Variants in LINS1 observed in about 807,000 individuals in gnomAD.
LINS1 encodes the protein lines homolog 1, also known as protein Lines homolog 1.
LINS1 carries 27 observed loss-of-function variants against 41.6 expected under a neutral mutation model. The observed-to-expected ratio is 0.65, with a 90% CI of 0.48 to 0.89. The LOEUF (loss-of-function observed/expected upper bound fraction) is 0.89, where lower values mean the gene tolerates loss of function less well. LINS1 is among the 40% of genes least tolerant of loss of function. The pLI is 0.00. For missense variants in LINS1, 955 were observed against 884.1 expected (o/e 1.08, Z -1.02); for synonymous variants, 336 against 312.9 (o/e 1.07, Z -0.78).
chr15:100,589,331 A>G (rs1470857217), intron 1 of LINS1, among the ~76,000 whole-genome samples: 5 of 152,242 alleles, frequency 3.3e-5, no homozygotes, highest in Non-Finnish European at 1.5e-5. Context: ...AGAATTAAGT[A>G]CCAAGAAAAT....
At chr15:100,593,559 TGGGG>T (rs34763783) in intron 1 of LINS1, among the ~76,000 whole-genome samples, 10 of 113,398 alleles carry the variant, frequency 8.8e-5, no homozygotes, top group South Asian at 2.7e-4. Flanking sequence ...TACAACTTTA[TGGGG>T]GGGGGGGGTG....
intron 1 of LINS1, among the ~76,000 whole-genome samples, chr15:100,584,593 T>A (rs954480267): frequency 6.6e-6 from 1 of 151,908 alleles, no homozygotes; most frequent in African/African-American, 2.4e-5. Flanking sequence ...GTATTGGGGT[T>A]ATGAGAGGAA....
intron 3 of LINS1, among the ~76,000 whole-genome samples, chr15:100,579,190 A>T (rs556136790): frequency 5.6e-4 from 83 of 148,554 alleles, no homozygotes; most frequent in Non-Finnish European, 8.8e-4. Flanking sequence ...TATATATATA[A>T]AAAAATAAAA....
In LINS1 at chr15:100,573,749, G is replaced by A. The variant is rs143097819; in HGVS notation, c.1124C>T (p.Thr375Ile). The A allele has an allele frequency of 3.2e-4, 517 of 1,613,994 alleles. 2 individuals are homozygous for A. In the African/African-American group the frequency reaches 5.1e-3, roughly 16 times the overall value. Residue 375 changes from threonine to isoleucine, a missense_variant, in exon 5 of 7, where the codon ACT (threonine) becomes ATT (isoleucine). Transcript: ENST00000314742. ...TCTAAGGATCACATGATCTGGACTA[G>A]TGATAAGTTCACATTCAGGTTGAAC... ...DEVQPECELI[T>I]SPDHVILRAA...
Position 100,573,767 on chromosome 15 carries a change from G to T in LINS1, c.1106C>A (p.Pro369His). The T allele has an allele frequency of 6.2e-7, 1 of 1,613,676 alleles. No individual in the cohort carries two copies. Among genetic ancestry groups the T allele is most frequent in the South Asian group, 1.1e-5 (1 of 91,072 alleles). Residue 369 changes from proline to histidine, a missense_variant, in exon 5 of 7, where the codon CCT (proline) becomes CAT (histidine). Transcript: ENST00000314742. ...TGGACTAGTGATAAGTTCACATTCAGGTTGAACTTCATCACCTCCAAAAAA... is the reference window on the plus strand; with the variant it reads ...TGGACTAGTGATAAGTTCACATTCATGTTGAACTTCATCACCTCCAAAAAA... ...HSFFGGDEVQ[P>H]ECELITSPDH...
chr15:100,586,802 G>C (rs117611963), intron 1 of LINS1, among the ~76,000 whole-genome samples: 2,370 of 152,204 alleles, frequency 0.016, 37 homozygotes, highest in Non-Finnish European at 0.022. Flanking sequence ...CAGAGAATTG[G>C]AGACATTTGG....
At chr15:100,578,502 G>C (rs36176194) in intron 3 of LINS1, among the ~76,000 whole-genome samples, 34 of 151,282 alleles carry the variant, frequency 2.2e-4, no homozygotes, top group Middle Eastern at 6.8e-3. Context: ...TTAGAATGGC[G>C]ATCATTAAAA....
chr15:100,600,551 C>CTAAAAAAAA (rs777968890), intron 1 of LINS1, among the ~76,000 whole-genome samples: 1 of 79,674 alleles, frequency 1.3e-5, no homozygotes, highest in African/African-American at 6.7e-5. Flanking sequence ...TGCTGTTAAG[C>CTAAAAAAAA]AAAAAAAAAA....
intron 3 of LINS1, among the ~76,000 whole-genome samples, chr15:100,577,356 A>T (rs2038247399): frequency 6.6e-6 from 1 of 152,230 alleles, no homozygotes; most frequent in Non-Finnish European, 1.5e-5. Flanking sequence ...AATGTGCAAA[A>T]ATCACAAGCA....
At chr15:100,580,228 G>T in intron 3 of LINS1, 35 bp downstream of exon 3, 1 of 1,443,922 alleles carries the variant, frequency 6.9e-7, no homozygotes, top group Non-Finnish European at 9.6e-7. Flanking sequence ...AATTAAGAAA[G>T]AGAAATAATA....
intron 3 of LINS1, among the ~76,000 whole-genome samples, chr15:100,578,968 T>C (rs1277547960): frequency 6.6e-6 from 1 of 151,388 alleles, no homozygotes; most frequent in African/African-American, 2.4e-5. Context: ...AGGTGGGAAC[T>C]GAACAATGAC....
At chr15:100,571,753 G>T in intron 6 of LINS1, 141 bp downstream of exon 6, 1 of 993,774 alleles carries the variant, frequency 1.0e-6, no homozygotes, top group Non-Finnish European at 1.5e-6. Context: ...TTTCATGTAA[G>T]TCAGGGTTAA....
At chr15:100,580,387 T>C in intron 2 of LINS1, 35 bp from the exon 3 acceptor site, 1 of 1,604,542 alleles carries the variant, frequency 6.2e-7, no homozygotes, top group African/African-American at 1.3e-5. Context: ...CCACTATTGC[T>C]GAATGTTCTT....
chr15:100,593,016 C>G (rs925485292), intron 1 of LINS1, among the ~76,000 whole-genome samples: 1 of 152,212 alleles, frequency 6.6e-6, no homozygotes, highest in Non-Finnish European at 1.5e-5. Flanking sequence ...GGGGATTTAA[C>G]TGACCACAAT....
chr15:100,568,336 A>C lies in LINS1; in HGVS notation c.*902T>G, dbSNP rs11636052. On this transcript the variant is annotated 3_prime_UTR_variant, in exon 7 of 7. Transcript: ENST00000314742. Reference sequence around the variant, plus strand: ...CCATCAAGGACACATGAAAGTGGCCATATCTGGGATTAGGGTCTTTGCAGC... The same window carrying C: ...CCATCAAGGACACATGAAAGTGGCCCTATCTGGGATTAGGGTCTTTGCAGC... The C allele has an allele frequency of 6.6e-6, 1 of 152,066 alleles. No individual in the cohort carries two copies. Among genetic ancestry groups the C allele is most frequent in the Non-Finnish European group, 1.5e-5 (1 of 68,010 alleles). 9.4% of individuals were successfully genotyped at this position (152,066 alleles called of 1,614,324 possible).
intron 4 of LINS1, among the ~76,000 whole-genome samples, chr15:100,574,547 A>T (rs771890710): frequency 6.6e-5 from 10 of 152,160 alleles, no homozygotes; most frequent in Non-Finnish European, 1.5e-4. Context: ...GTGTCTACTA[A>T]AAATACAGAA....
At chr15:100,595,480 C>G (rs2141358091) in intron 1 of LINS1, among the ~76,000 whole-genome samples, 3 of 152,280 alleles carry the variant, frequency 2.0e-5, no homozygotes, top group Middle Eastern at 6.8e-3. Context: ...CTACAGTGAA[C>G]TACCACTACT....
chr15:100,572,903 G>T, intron 5 of LINS1: 2 of 691,894 alleles, frequency 2.9e-6, no homozygotes, highest in Non-Finnish European at 3.6e-6. Flanking sequence ...ATTGTATGAA[G>T]GATTAATACA....
chr15:100,569,760 T>C lies in LINS1; in HGVS notation c.1752A>G (p.Arg584=), dbSNP rs1409846384. 2 of 1,613,866 alleles carry C rather than the reference T, an allele frequency of 1.2e-6. No individual in the cohort carries two copies. The highest frequency in any genetic ancestry group is 1.7e-5 in the Admixed American group (1 of 59,990). ...CCCAGGAGTGCCGAGCACACACATC[T>C]CTGTGACTATGAGGAGCAGTCAAAC... ...PHRLTAPHSH[R]DVCARHSWAS... Residue 584 remains arginine (R), a synonymous_variant, in exon 7 of 7, where the codon AGA becomes AGG. Transcript: ENST00000314742.
Sources: allele counts gnomAD v4.1 joint callset (sites outside exome capture counted in the v4.1 genomes callset), GRCh38; gene constraint gnomAD v4.1.1; transcripts MANE v1.5; gene names NCBI Gene and HGNC (gene_info 2026-07-23, HGNC 2026-07-21).